Variants in TMEM161B observed in about 807,000 individuals in gnomAD.
The protein encoded by TMEM161B is transmembrane protein 161B.
In TMEM161B, 34 loss-of-function variants were observed where a neutral mutation model predicts 61.8. The observed-to-expected ratio is 0.55, with a 90% CI of 0.42 to 0.73. TMEM161B has a LOEUF of 0.73. Among genes scored for constraint, TMEM161B ranks in the 30% least tolerant of loss-of-function variants. TMEM161B has a pLI of 0.00. For synonymous variants in TMEM161B, 167 were observed against 192.8 expected (o/e 0.87, Z 1.11); for missense variants, 456 against 558.5 (o/e 0.82, Z 1.85).
At chr5:88,203,630 C>T (rs906897214) in intron 8 of TMEM161B, among the ~76,000 whole-genome samples, 1 of 151,148 alleles carries the variant, frequency 6.6e-6, no homozygotes, top group African/African-American at 2.4e-5. Flanking sequence ...AACTGAGGAA[C>T]CTTTTAACGT....
At chr5:88,225,923 G>T in intron 3 of TMEM161B, 57 bp from the exon 4 acceptor site, 3 of 1,114,344 alleles carry the variant, frequency 2.7e-6, no homozygotes, top group Non-Finnish European at 3.9e-6. Context: ...TTATCCAAGT[G>T]CTTGTTTCAA....
At chr5:88,203,877 T>C (rs1185251027) in intron 8 of TMEM161B, among the ~76,000 whole-genome samples, 1 of 147,898 alleles carries the variant, frequency 6.8e-6, no homozygotes, top group Non-Finnish European at 1.5e-5. Flanking sequence ...GTCTGCGCTA[T>C]AACTTCATTG....
chr5:88,206,984 CTAGA>C (rs908848256), intron 6 of TMEM161B, 41 bp downstream of exon 6: 13 of 1,574,820 alleles, frequency 8.3e-6, no homozygotes, highest in Admixed American at 1.7e-5. Flanking sequence ...AATATTAACA[CTAGA>C]TAAAGCAAAA....
chr5:88,226,888 G>T (rs1013836004), intron 3 of TMEM161B, among the ~76,000 whole-genome samples: 6 of 152,174 alleles, frequency 3.9e-5, no homozygotes, highest in Non-Finnish European at 7.3e-5. Flanking sequence ...AGGCCAGGAA[G>T]ATCGAGGCAG....
intron 1 of TMEM161B, among the ~76,000 whole-genome samples, chr5:88,257,055 G>C (rs1203415582): frequency 6.6e-6 from 1 of 152,116 alleles, no homozygotes; most frequent in African/African-American, 2.4e-5. Flanking sequence ...GATCACTCAA[G>C]GTCAGGAATT....
chr5:88,195,945 C>A lies in TMEM161B; in HGVS notation c.*266G>T. 2.1e-5 allele frequency: 25 copies of A among 1,190,936 alleles called. No homozygotes were observed. The highest frequency in any genetic ancestry group is 2.6e-5 in the Non-Finnish European group (25 of 958,692). 73.8% of individuals were successfully genotyped at this position (1,190,936 alleles called of 1,614,324 possible). ...AACCAGGGTAATCAGAAATATTACC[C>A]TTGTAGATAGCCCTCTCATACCAGT... On this transcript the variant is annotated 3_prime_UTR_variant, in exon 12 of 12. Transcript: ENST00000296595.
At chr5:88,234,128 A>C (rs1751453349) in intron 2 of TMEM161B, among the ~76,000 whole-genome samples, 1 of 152,084 alleles carries the variant, frequency 6.6e-6, no homozygotes, top group African/African-American at 2.4e-5. Context: ...GTTACTTTAA[A>C]TGGGAGAAGT....
chr5:88,250,516 G>C (rs1458876085), intron 1 of TMEM161B: 1 of 152,218 alleles, frequency 6.6e-6, no homozygotes, highest in South Asian at 2.1e-4. Flanking sequence ...ACAAGCCCCT[G>C]TTCTCCATCT....
intron 1 of TMEM161B, among the ~76,000 whole-genome samples, chr5:88,256,397 C>T (rs928544783): frequency 1.3e-5 from 2 of 152,184 alleles, no homozygotes; most frequent in Non-Finnish European, 2.9e-5. Context: ...TAAATTCTGT[C>T]ACTTTTCCTT....
chr5:88,243,354 T>C (rs567376397), intron 1 of TMEM161B, among the ~76,000 whole-genome samples: 1 of 152,020 alleles, frequency 6.6e-6, no homozygotes, highest in South Asian at 2.1e-4. Context: ...GGTTTTCTGT[T>C]CCTGCATAAG....
intron 2 of TMEM161B, among the ~76,000 whole-genome samples, chr5:88,232,776 G>T (rs566883735): frequency 6.6e-6 from 1 of 152,204 alleles, no homozygotes; most frequent in East Asian, 1.9e-4. Flanking sequence ...GGGTTTCACC[G>T]TGTTAGCCAG....
At chr5:88,262,584 G>A (rs1755820437) in intron 1 of TMEM161B, among the ~76,000 whole-genome samples, 1 of 152,108 alleles carries the variant, frequency 6.6e-6, no homozygotes, top group African/African-American at 2.4e-5. Flanking sequence ...ATGGACTATT[G>A]AGCTATGAAA....
rs1451342909 is a variant in TMEM161B, at chr5:88,202,610, CT to C, written c.914+351del. On this transcript the variant is annotated intron_variant, in intron 9 of 11. Transcript: ENST00000296595. ...TTGAGTATATGAGTTTCCATTTATA[CT>C]TTTTTCCTCCATAATTTTCAAAATT... 14 of 237,856 alleles carry C rather than the reference CT, an allele frequency of 5.9e-5. No homozygotes were observed. The East Asian group carries it at 2.1e-3, about 36-fold the overall frequency. 14.7% of individuals were successfully genotyped at this position (237,856 alleles called of 1,614,324 possible).
chr5:88,265,492 C>A (rs962949786), intron 1 of TMEM161B, among the ~76,000 whole-genome samples: 10 of 152,172 alleles, frequency 6.6e-5, no homozygotes, highest in African/African-American at 2.4e-4. Context: ...CACCACTGAT[C>A]TGACAGGAGG....
rs372333162 is a variant in TMEM161B, at chr5:88,225,022, C to T, written c.289+747G>A. Reference sequence around the variant, plus strand: ...TCGCTCTGTCGCCCAGGCTGGAGTGCGGTGGTGCGATCTCGGCTCACTGCA... The same window carrying T: ...TCGCTCTGTCGCCCAGGCTGGAGTGTGGTGGTGCGATCTCGGCTCACTGCA... On this transcript the variant is annotated intron_variant, in intron 4 of 11. Coordinates refer to ENST00000296595, the MANE Select transcript of TMEM161B (RefSeq NM_153354.5). Among the ~76,000 whole-genome samples the T allele has an allele frequency of 8.2e-4, 104 of 127,404 alleles. 4 individuals are homozygous for T. In the South Asian group the frequency reaches 0.026, roughly 32 times the overall value. The allele number at this position is 127,404 out of a possible 152,430, so 83.6% of individuals were successfully genotyped here.
chr5:88,217,705 G>T (rs895391191), intron 5 of TMEM161B, among the ~76,000 whole-genome samples: 5 of 152,006 alleles, frequency 3.3e-5, no homozygotes, highest in African/African-American at 2.4e-5. Context: ...TTTGGAGAGG[G>T]TAAAAAGATA....
rs780835498 is a variant in TMEM161B at position 88,195,074 on chromosome 5, G to A, written c.*1137C>T. On this transcript the variant is annotated 3_prime_UTR_variant, in exon 12 of 12. Coordinates refer to ENST00000296595, the MANE Select transcript of TMEM161B (RefSeq NM_153354.5). ...AGGCATACATGATACCTGTAGACCT[G>A]ATTTGAGAGGGAAAGATTCTGATTT... The A allele has an allele frequency of 2.3e-6, 2 of 874,418 alleles. No homozygotes were observed. Among genetic ancestry groups the A allele is most frequent in the African/African-American group, 1.8e-5 (1 of 54,886 alleles). 54.2% of individuals were successfully genotyped at this position (874,418 alleles called of 1,614,324 possible).
intron 1 of TMEM161B, 135 bp downstream of exon 1, chr5:88,268,586 G>T: frequency 8.4e-7 from 1 of 1,193,408 alleles, no homozygotes; most frequent in Non-Finnish European, 1.2e-6. Flanking sequence ...GATAGGTGGT[G>T]GGTCCTACCC....
intron 5 of TMEM161B, among the ~76,000 whole-genome samples, chr5:88,216,708 T>C (rs1335238493): frequency 6.6e-6 from 1 of 152,216 alleles, no homozygotes; most frequent in South Asian, 2.1e-4. Flanking sequence ...TGGTATCCAC[T>C]TAACAGGTTT....
Sources: allele counts gnomAD v4.1 joint callset (sites outside exome capture counted in the v4.1 genomes callset), GRCh38; gene constraint gnomAD v4.1.1; transcripts MANE v1.5; gene names NCBI Gene and HGNC (gene_info 2026-07-23, HGNC 2026-07-21).